CPNE8: variants seen among roughly 807,000 people sequenced by gnomAD.
CPNE8 encodes copine 8.
Under a neutral mutation model 81.5 loss-of-function variants are expected in CPNE8, and 45 were observed. That is an observed-to-expected ratio of 0.55 (90% CI 0.44 to 0.71). The LOEUF is 0.71. Ranked by LOEUF, CPNE8 falls within the 30% of genes least tolerant of loss-of-function variation. The probability of loss-of-function intolerance (pLI) is 0.00; values close to 1 mark genes in which losing one functional copy is unlikely to be tolerated. For synonymous variants in CPNE8, 252 were observed against 226.3 expected (o/e 1.11, Z -1.02); for missense variants, 594 against 672.1 (o/e 0.88, Z 1.28).
At chr12:38,833,215 T>C (rs1433099274) in intron 5 of CPNE8, among the ~76,000 whole-genome samples, 4 of 151,654 alleles carry the variant, frequency 2.6e-5, no homozygotes, top group Admixed American at 6.6e-5. Context: ...TAGCTGGATA[T>C]GGTGCTGTGT....
intron 4 of CPNE8, among the ~76,000 whole-genome samples, chr12:38,841,823 C>T (rs769017626): frequency 2.2e-4 from 33 of 152,040 alleles, no homozygotes; most frequent in Middle Eastern, 3.2e-3. Flanking sequence ...TCAAAATAGT[C>T]TCTCCTCCAG....
chr12:38,802,035 T>G (rs963304156), intron 6 of CPNE8, among the ~76,000 whole-genome samples: 267 of 22,044 alleles, frequency 0.012, 43 homozygotes, highest in African/African-American at 0.017. Flanking sequence ...ACAAAGAGAC[T>G]TAGACTCCCA....
intron 6 of CPNE8, among the ~76,000 whole-genome samples, chr12:38,778,537 C>T (rs1233475955): frequency 6.6e-6 from 1 of 151,976 alleles, no homozygotes; most frequent in African/African-American, 2.4e-5. Context: ...TTAACTGTTC[C>T]CTATTTCGCC....
intron 3 of CPNE8, among the ~76,000 whole-genome samples, chr12:38,852,485 C>G (rs1943662239): frequency 6.6e-6 from 1 of 151,338 alleles, no homozygotes; most frequent in Non-Finnish European, 1.5e-5. Flanking sequence ...GCCTGTAATC[C>G]CAGTTACTCA....
At chr12:38,742,273 C>T (rs966982620) in intron 10 of CPNE8, among the ~76,000 whole-genome samples, 3 of 152,084 alleles carry the variant, frequency 2.0e-5, no homozygotes, top group Non-Finnish European at 4.4e-5. Context: ...GACTTGGAAC[C>T]AACCCAAATG....
intron 13 of CPNE8, among the ~76,000 whole-genome samples, chr12:38,717,776 C>A (rs917356492): frequency 6.6e-6 from 1 of 151,260 alleles, no homozygotes; most frequent in Non-Finnish European, 1.5e-5. Context: ...CTTATCCATG[C>A]AACCAAAATC....
chr12:38,716,494 A>G (rs1940395113), intron 13 of CPNE8, among the ~76,000 whole-genome samples: 1 of 151,864 alleles, frequency 6.6e-6, no homozygotes, highest in Non-Finnish European at 1.5e-5. Context: ...GTAAAGCCAA[A>G]TAGAACTAAC....
rs576654960 is a variant in CPNE8 at position 38,799,700 on chromosome 12, G to A, written c.408-23399C>T. Reference sequence around the variant, plus strand: ...AGCTCCGGTCTACAGCTCCCAGCGTGAGCGACGCAGAAGACGGGTGATTTC... The same window carrying A: ...AGCTCCGGTCTACAGCTCCCAGCGTAAGCGACGCAGAAGACGGGTGATTTC... On this transcript the variant is annotated intron_variant, in intron 6 of 19. Transcript: ENST00000331366. Among the ~76,000 whole-genome samples, 33 of 151,892 alleles carry A rather than the reference G, an allele frequency of 2.2e-4. 1 individual carries two copies. The South Asian group carries it at 6.7e-3, about 31-fold the overall frequency.
intron 19 of CPNE8, among the ~76,000 whole-genome samples, chr12:38,659,447 A>C (rs1386368459): frequency 6.6e-6 from 1 of 152,136 alleles, no homozygotes; most frequent in Non-Finnish European, 1.5e-5. Flanking sequence ...ACACAATAAT[A>C]ATGGGAGACT....
chr12:38,743,920 A>G (rs1843640), intron 10 of CPNE8, among the ~76,000 whole-genome samples: 122,671 of 152,172 alleles, frequency 0.81, 52,429 homozygotes, highest in Middle Eastern at 0.97. Flanking sequence ...GTGACAATAC[A>G]CTACATGTCT....
intron 5 of CPNE8, among the ~76,000 whole-genome samples, chr12:38,834,365 C>A (rs1309877823): frequency 6.6e-6 from 1 of 152,080 alleles, no homozygotes; most frequent in African/African-American, 2.4e-5. Context: ...TCAATCCTCA[C>A]CCCCCTGCCT....
intron 19 of CPNE8, among the ~76,000 whole-genome samples, chr12:38,667,104 C>A (rs1203229639): frequency 6.6e-6 from 1 of 152,146 alleles, no homozygotes; most frequent in Non-Finnish European, 1.5e-5. Context: ...CTATTATTTG[C>A]CACCTTAGGG....
At chr12:38,767,606 T>C in intron 8 of CPNE8, 29 bp downstream of exon 8, 4 of 1,264,282 alleles carry the variant, frequency 3.2e-6, no homozygotes, top group Non-Finnish European at 4.4e-6. Flanking sequence ...CATTACCATA[T>C]AGTTGAAATG....
intron 6 of CPNE8, among the ~76,000 whole-genome samples, chr12:38,805,642 C>A: frequency 1.1e-5 from 1 of 89,346 alleles, no homozygotes; most frequent in Non-Finnish European, 2.2e-5. Context: ...GCACATGTAA[C>A]CTAAAACTTA....
intron 10 of CPNE8, among the ~76,000 whole-genome samples, chr12:38,732,010 C>T (rs1227735914): frequency 1.3e-5 from 2 of 151,724 alleles, no homozygotes; most frequent in African/African-American, 4.8e-5. Flanking sequence ...ATAAAAGGTT[C>T]TATTAGAGCA....
In CPNE8 at chr12:38,685,278, T is replaced by C. The variant is rs113850976; in HGVS notation, c.1271+212A>G. Among the ~76,000 whole-genome samples the C allele has an allele frequency of 1.7e-3, 263 of 152,286 alleles. 1 individual carries two copies. The highest frequency in any genetic ancestry group is 6.0e-3 in the African/African-American group (251 of 41,566). On this transcript the variant is annotated intron_variant, in intron 16 of 19. Coordinates refer to ENST00000331366, the MANE Select transcript of CPNE8 (RefSeq NM_153634.3). Reference sequence around the variant, plus strand: ...ATAGTTCCTAACATAACCCAGCAAATGTTTCTTCACTTGATATTTTAATGT... The same window carrying C: ...ATAGTTCCTAACATAACCCAGCAAACGTTTCTTCACTTGATATTTTAATGT...
At position 38,685,622 on chromosome 12, in the gene CPNE8, A is replaced by G; in HGVS notation, c.1144-5T>C. On this transcript the variant is annotated splice_polypyrimidine_tract_variant and splice_region_variant and intron_variant, in intron 15 of 19. Coordinates refer to ENST00000331366, the MANE Select transcript of CPNE8 (RefSeq NM_153634.3). ...GGGGTTTTGAGGATTCCCATTCTGT[A>G]GAAATTTATAGGCAAAACAAAACAA... 1 of 1,607,700 alleles carries G rather than the reference A, an allele frequency of 6.2e-7. No homozygotes were observed. The highest frequency in any genetic ancestry group is 8.5e-7 in the Non-Finnish European group (1 of 1,177,960).
At chr12:38,729,262 A>G (rs1940776981) in intron 11 of CPNE8, among the ~76,000 whole-genome samples, 1 of 152,080 alleles carries the variant, frequency 6.6e-6, no homozygotes, top group Non-Finnish European at 1.5e-5. Flanking sequence ...GAACCTAAAT[A>G]TTCTTTCCTT....
chr12:38,775,752 T>G lies in CPNE8; in HGVS notation c.471+486A>C, dbSNP rs1320382718. The stretch of plus-strand genomic sequence containing the variant: ...TGCTAGCTGTAGTGGCAGCTAATCC[T>G]TTCTTCAAATGTGGACTTCCCAAGC... On this transcript the variant is annotated intron_variant, in intron 7 of 19. Transcript: ENST00000331366. 3.9e-5 allele frequency among the ~76,000 whole-genome samples: 6 copies of G among 152,186 alleles called. No homozygotes were observed. The East Asian group carries it at 7.7e-4, about 20-fold the overall frequency.
Sources: gnomAD v4.1 joint callset for allele counts (sites outside exome capture counted in the v4.1 genomes callset) on GRCh38, gnomAD v4.1.1 for gene constraint, MANE v1.5 for transcripts, NCBI Gene and HGNC (gene_info 2026-07-23, HGNC 2026-07-21) for gene names.